Variants in PATJ observed in about 807,000 individuals in gnomAD.
PATJ encodes PATJ crumbs cell polarity complex component.
Under a neutral mutation model 224.9 loss-of-function variants are expected in PATJ, and 190 were observed. That is an observed-to-expected ratio of 0.84 (90% CI 0.75 to 0.95). The LOEUF (loss-of-function observed/expected upper bound fraction) is 0.95, where lower values mean the gene tolerates loss of function less well. Ranked by LOEUF, PATJ falls within the 40% of genes least tolerant of loss-of-function variation. PATJ has a pLI of 0.00. For missense variants in PATJ, 2,121 were observed against 2,270.3 expected, an observed-to-expected ratio of 0.93 and a Z score of 1.34; for synonymous variants, 769 against 820.3, an observed-to-expected ratio of 0.94 and a Z score of 1.07.
chr1:62,036,899 A>AAGGG (rs1428556210), intron 29 of PATJ, among the ~76,000 whole-genome samples: 1 of 136,178 alleles, frequency 7.3e-6, no homozygotes, highest in Admixed American at 7.5e-5. Context: ...GAAAGGAAGG[A>AAGGG]AGGGAGGGAG....
rs1185167811 is a variant in PATJ at position 61,899,640 on chromosome 1, G to A, written c.3189G>A (p.Trp1063Ter). The change falls in exon 23 of 44, where the codon TGG (tryptophan) becomes TGA (stop). Residue 1063 changes from tryptophan (W) to a stop codon, truncating the protein, a stop_gained. Coordinates refer to ENST00000642238, the MANE Select transcript of PATJ (RefSeq NM_001350145.3). LOFTEE classifies it high-confidence loss of function. ...AAGAAACTCCAAATTTTAGCCACTG[G>A]GGTCCACCGAGAATGTATGTGGATG... is the stretch of plus-strand genomic sequence containing the variant. Reference protein sequence around the residue: ...EGEETPNFSHWGPPRIVEIFR... With the variant: ...EGEETPNFSH 8.1e-6 allele frequency: 13 copies of A among 1,610,514 alleles called. No individual in the cohort carries two copies. The highest frequency in any genetic ancestry group is 1.1e-5 in the South Asian group (1 of 90,884).
chr1:61,947,587 A>G (rs542972049), intron 27 of PATJ, among the ~76,000 whole-genome samples: 1 of 152,320 alleles, frequency 6.6e-6, no homozygotes, highest in Non-Finnish European at 1.5e-5. Context: ...ATGGAAGAAC[A>G]TTCCATGCTC....
intron 43 of PATJ, among the ~76,000 whole-genome samples, chr1:62,156,127 G>A (rs1669185612): frequency 6.8e-6 from 1 of 146,240 alleles, no homozygotes; most frequent in Non-Finnish European, 1.5e-5. Flanking sequence ...TGTAATCCCA[G>A]CACTTTGAGA....
At chr1:61,838,521 A>ATTTTTTTTTT (rs34877280) in intron 17 of PATJ, among the ~76,000 whole-genome samples, 1,535 of 115,112 alleles carry the variant, frequency 0.013, no homozygotes, top group Non-Finnish European at 0.017. Flanking sequence ...CGCCTGGCTA[A>ATTTTTTTTTT]TTTTTTTTTT....
chr1:62,017,412 T>C (rs1238554155), intron 28 of PATJ, among the ~76,000 whole-genome samples: 1 of 73,510 alleles, frequency 1.4e-5, no homozygotes, highest in Non-Finnish European at 2.7e-5. Context: ...AGACTCCGCC[T>C]CAAAAAAAAA....
At chr1:62,128,463 C>T (rs1665946938) in intron 40 of PATJ, 1 of 272,002 alleles carries the variant, frequency 3.7e-6, no homozygotes, top group Non-Finnish European at 7.0e-6. Context: ...CTTGTTGCCC[C>T]TTAATCTTAA....
At chr1:61,988,491 T>C (rs1236933006) in intron 27 of PATJ, among the ~76,000 whole-genome samples, 2 of 152,204 alleles carry the variant, frequency 1.3e-5, no homozygotes, top group Non-Finnish European at 2.9e-5. Context: ...TGCCTTGTAT[T>C]TATTCACTTC....
At chr1:61,955,028 C>T (rs1680250232) in intron 27 of PATJ, among the ~76,000 whole-genome samples, 1 of 152,194 alleles carries the variant, frequency 6.6e-6, no homozygotes, top group South Asian at 2.1e-4. Flanking sequence ...GCTGGGATTA[C>T]AGGCGTGAGC....
intron 7 of PATJ, among the ~76,000 whole-genome samples, chr1:61,778,449 T>C (rs1468038903): frequency 6.6e-6 from 1 of 152,240 alleles, no homozygotes; most frequent in Admixed American, 6.5e-5. Flanking sequence ...TTCCAGATTC[T>C]ACATTGTAAC....
chr1:61,900,598 C>A (rs12049285), intron 23 of PATJ, among the ~76,000 whole-genome samples: 11 of 82,430 alleles, frequency 1.3e-4, no homozygotes, highest in Non-Finnish European at 2.7e-4. Flanking sequence ...CTTTTCTTTT[C>A]TTTTTTTTTG....
At chr1:62,149,866 G>T (rs576273763) in intron 42 of PATJ, among the ~76,000 whole-genome samples, 137 of 151,624 alleles carry the variant, frequency 9.0e-4, no homozygotes, top group South Asian at 1.9e-3. Context: ...GGTTGAAAAT[G>T]TTATGATATT....
intron 27 of PATJ, among the ~76,000 whole-genome samples, chr1:61,967,928 T>TC (rs2149450972): frequency 6.6e-6 from 1 of 152,284 alleles, no homozygotes; most frequent in South Asian, 2.1e-4. Context: ...TCAGCTGCTT[T>TC]CAGAGTCTAA....
chr1:62,119,473 A>G (rs1252493111), intron 37 of PATJ, among the ~76,000 whole-genome samples: 1 of 152,180 alleles, frequency 6.6e-6, no homozygotes, highest in Non-Finnish European at 1.5e-5. Context: ...ATTCATAGAA[A>G]GTGAGTTCAT....
chr1:61,834,943 G>C (rs1242330255), intron 17 of PATJ, among the ~76,000 whole-genome samples: 1 of 152,078 alleles, frequency 6.6e-6, no homozygotes, highest in Non-Finnish European at 1.5e-5. Context: ...TGGCCAGGCT[G>C]GTCTCGAACT....
Position 61,970,777 on chromosome 1 carries a change from G to A in PATJ, c.3671-19391G>A, listed in dbSNP as rs1049622470. ...CAAAGCTCTGGGATTATAGGTGTGA[G>A]CCACCACACCTGGCCACTCAAGAGG... On this transcript the variant is annotated intron_variant, in intron 27 of 43. Coordinates refer to ENST00000642238, the MANE Select transcript of PATJ (RefSeq NM_001350145.3). 6.6e-5 allele frequency among the ~76,000 whole-genome samples: 10 copies of A among 152,126 alleles called. No homozygotes were observed. The East Asian group carries it at 1.9e-3, about 29-fold the overall frequency.
chr1:62,087,496 T>C (rs998200753), intron 33 of PATJ, among the ~76,000 whole-genome samples: 4 of 151,978 alleles, frequency 2.6e-5, no homozygotes, highest in Non-Finnish European at 5.9e-5. Flanking sequence ...AAGTTATCAC[T>C]TTGGACCAAG....
At chr1:61,833,113 T>G (rs1177021246) in intron 16 of PATJ, among the ~76,000 whole-genome samples, 1 of 151,816 alleles carries the variant, frequency 6.6e-6, no homozygotes, top group Non-Finnish European at 1.5e-5. Flanking sequence ...TCCAAAGACT[T>G]GGATTTTTTT....
intron 22 of PATJ, 43 bp downstream of exon 22, chr1:61,884,451 G>GTTTTTTTTTTT (rs72229771): frequency 1.7e-6 from 1 of 575,732 alleles, no homozygotes; most frequent in African/African-American, 2.5e-5. Context: ...TAAAATAGTG[G>GTTTTTTTTTTT]TTTTTTTTTT....
chr1:62,118,819 G>A (rs1220615528), intron 37 of PATJ, among the ~76,000 whole-genome samples: 2 of 151,750 alleles, frequency 1.3e-5, no homozygotes, highest in Admixed American at 6.6e-5. Context: ...TAGTAGACAC[G>A]GGGTTTCAAA....
Sources: allele counts gnomAD v4.1 joint callset (sites outside exome capture counted in the v4.1 genomes callset), GRCh38; gene constraint gnomAD v4.1.1; transcripts MANE v1.5; gene names NCBI Gene and HGNC (gene_info 2026-07-23, HGNC 2026-07-21).